Variants in ABLIM2 observed in about 807,000 individuals in gnomAD.
The protein encoded by ABLIM2 is actin binding LIM protein family member 2.
In ABLIM2, 53 loss-of-function variants were observed where a neutral mutation model predicts 97.7. The ratio of observed to expected loss-of-function variants is 0.54; its 90% CI spans 0.44 to 0.68. ABLIM2 has a LOEUF of 0.68. Ranked by LOEUF, ABLIM2 falls within the 30% of genes least tolerant of loss-of-function variation. ABLIM2 has a pLI of 0.00. For missense variants in ABLIM2, 835 were observed against 867.2 expected (o/e 0.96, Z 0.47); for synonymous variants, 361 against 345.8 (o/e 1.04, Z -0.49).
chr4:8,119,602 A>T (rs12501385), intron 1 of ABLIM2, among the ~76,000 whole-genome samples: 49,476 of 152,092 alleles, frequency 0.33, 8,602 homozygotes, highest in Non-Finnish European at 0.39. Context: ...CTGGGATTAT[A>T]GGCGTGAGCC....
intron 3 of ABLIM2, among the ~76,000 whole-genome samples, chr4:8,093,420 T>C (rs185556344): frequency 6.6e-6 from 1 of 152,338 alleles, no homozygotes; most frequent in African/African-American, 2.4e-5. Flanking sequence ...TAGCTTTGCG[T>C]GTCTAAAAAA....
In ABLIM2 at chr4:8,091,545, A is replaced by T. The variant is rs1184622563; in HGVS notation, c.339-3261T>A. On this transcript the variant is annotated intron_variant, in intron 3 of 20. Coordinates refer to ENST00000447017, the MANE Select transcript of ABLIM2 (RefSeq NM_001130083.2). Reference sequence around the variant, plus strand: ...TATATTATATATAAAATTATATATAATATTTATAATTATATATATTATATA... The same window carrying T: ...TATATTATATATAAAATTATATATATTATTTATAATTATATATATTATATA... Among the ~76,000 whole-genome samples, 7 of 47,064 alleles carry T rather than the reference A, an allele frequency of 1.5e-4. 2 individuals carry two copies. The highest frequency in any genetic ancestry group is 1.8e-4 in the Non-Finnish European group (6 of 32,556). 30.9% of individuals were successfully genotyped at this position (47,064 alleles called of 152,430 possible).
chr4:8,073,138 G>A (rs914360175), intron 6 of ABLIM2, among the ~76,000 whole-genome samples: 1 of 151,566 alleles, frequency 6.6e-6, no homozygotes, highest in African/African-American at 2.4e-5. Context: ...AGGTGGGGAA[G>A]ATGGGAGGAG....
At chr4:8,101,946 C>T (rs1015714913) in intron 2 of ABLIM2, among the ~76,000 whole-genome samples, 2 of 152,108 alleles carry the variant, frequency 1.3e-5, no homozygotes, top group African/African-American at 4.8e-5. Flanking sequence ...AATGAGACAC[C>T]TTCACACCCC....
chr4:8,045,788 C>T (rs141487328), intron 8 of ABLIM2, among the ~76,000 whole-genome samples: 1 of 152,178 alleles, frequency 6.6e-6, no homozygotes, highest in African/African-American at 2.4e-5. Flanking sequence ...CAGAGTGATG[C>T]ACAGGCCAAG....
At chr4:8,029,552 A>C (rs2151193898) in intron 11 of ABLIM2, 104 bp downstream of exon 11, 1 of 1,289,786 alleles carries the variant, frequency 7.8e-7, no homozygotes, top group Non-Finnish European at 1.0e-6. Flanking sequence ...CCAGTTGTAT[A>C]AGAAAAATGC....
chr4:8,008,902 T>A lies in ABLIM2; in HGVS notation c.1476+148A>T, dbSNP rs1560575781. On this transcript the variant is annotated intron_variant, in intron 15 of 20. Coordinates refer to ENST00000447017, the MANE Select transcript of ABLIM2 (RefSeq NM_001130083.2). The stretch of plus-strand genomic sequence containing the variant: ...ATCCTAAATGTAGGAAGGAAACTGA[T>A]GGAAGGGCCTCCTACCTTTGGCCTC... 5 of 826,232 alleles carry A rather than the reference T, an allele frequency of 6.1e-6. No homozygotes were observed. In the African/African-American group the frequency reaches 8.5e-5, roughly 14 times the overall value. 51.2% of individuals were successfully genotyped at this position (826,232 alleles called of 1,614,324 possible).
chr4:8,133,405 C>T (rs111589850), intron 1 of ABLIM2, among the ~76,000 whole-genome samples: 5 of 152,162 alleles, frequency 3.3e-5, no homozygotes, highest in South Asian at 2.1e-4. Flanking sequence ...CCGTCCCCTG[C>T]GGGGTATCTC....
chr4:8,108,438 C>T (rs532252568), intron 1 of ABLIM2, among the ~76,000 whole-genome samples: 1 of 152,232 alleles, frequency 6.6e-6, no homozygotes, highest in Non-Finnish European at 1.5e-5. Flanking sequence ...CAGCTGCCGG[C>T]CCAGGAGTCA....
rs778466903 is a variant in ABLIM2, at chr4:7,966,955, G to A, written c.*35C>T. The A allele has an allele frequency of 1.3e-5, 20 of 1,551,256 alleles. No individual in the cohort carries two copies. The highest frequency in any genetic ancestry group is 1.8e-4 in the Middle Eastern group (1 of 5,452). On this transcript the variant is annotated 3_prime_UTR_variant, in exon 21 of 21. Coordinates refer to ENST00000447017, the MANE Select transcript of ABLIM2 (RefSeq NM_001130083.2). ...CTCGCCAGGGGCCCCTGGCCTCGGCGCCCGGCACACACCAGTGGGGCAGGC... is the reference window on the plus strand; with the variant it reads ...CTCGCCAGGGGCCCCTGGCCTCGGCACCCGGCACACACCAGTGGGGCAGGC...
At chr4:8,025,928 C>G (rs907497461) in intron 12 of ABLIM2, among the ~76,000 whole-genome samples, 3 of 152,216 alleles carry the variant, frequency 2.0e-5, no homozygotes, top group African/African-American at 7.2e-5. Flanking sequence ...CCCTGCCACA[C>G]GACTGCCGTG....
intron 1 of ABLIM2, among the ~76,000 whole-genome samples, chr4:8,145,788 A>G: frequency 7.1e-6 from 1 of 141,398 alleles, no homozygotes; most frequent in East Asian, 2.1e-4. Context: ...ACACACACAC[A>G]CGAGATCCCT....
At position 8,132,664 on chromosome 4, in the gene ABLIM2, C is replaced by T. The variant is rs1414758826; in HGVS notation, c.10+26016G>A. On this transcript the variant is annotated intron_variant, in intron 1 of 20. Coordinates refer to ENST00000447017, the MANE Select transcript of ABLIM2 (RefSeq NM_001130083.2). This position sits in a 1 kb window ranked among gnomAD's most constrained non-coding sequence, Gnocchi z 8.0. Reference sequence around the variant, plus strand: ...TGCACATCATGAAGCACGGCCCCTACCCCGCTGTCTTCCCTCGGGTGACTC... The same window carrying T: ...TGCACATCATGAAGCACGGCCCCTATCCCGCTGTCTTCCCTCGGGTGACTC... 6.6e-6 allele frequency among the ~76,000 whole-genome samples: 1 copy of T among 152,224 alleles called. No homozygotes were observed. The highest frequency in any genetic ancestry group is 1.9e-4 in the East Asian group (1 of 5,194).
intron 1 of ABLIM2, among the ~76,000 whole-genome samples, chr4:8,145,224 C>T (rs1210271180): frequency 6.6e-5 from 10 of 151,910 alleles, no homozygotes; most frequent in Admixed American, 2.6e-4. Context: ...CGCTCTGTCG[C>T]CCAGGCTGGA....
At chr4:8,041,607 A>G (rs887257214) in intron 9 of ABLIM2, among the ~76,000 whole-genome samples, 16 of 152,176 alleles carry the variant, frequency 1.1e-4, no homozygotes, top group Admixed American at 9.8e-4. Flanking sequence ...TGTTTAAAAA[A>G]AAAAAAAAAA....
chr4:8,088,461 G>A (rs887770830), intron 3 of ABLIM2, among the ~76,000 whole-genome samples, 177 bp from the exon 4 acceptor site: 2 of 152,158 alleles, frequency 1.3e-5, no homozygotes, highest in Admixed American at 6.5e-5. Flanking sequence ...CCCCGCAATA[G>A]GACCTCAGGT....
At position 8,087,476 on chromosome 4, in the gene ABLIM2, G is replaced by C. The variant is rs1285668786; in HGVS notation, c.454+693C>G. Among the ~76,000 whole-genome samples the C allele has an allele frequency of 6.6e-5, 10 of 152,306 alleles. No individual in the cohort carries two copies. Among genetic ancestry groups the C allele is most frequent in the Non-Finnish European group, 2.9e-5 (2 of 68,022 alleles). On this transcript the variant is annotated intron_variant, in intron 4 of 20. Transcript: ENST00000447017. The surrounding 1 kb of genome is among the most constrained non-coding windows in gnomAD (Gnocchi z 4.6). ...CACCTGGCCTAACTCCTGGGAGGTG[G>C]AGCAGTGAACCCAAGGGCCCCTGAC...
Position 8,083,336 on chromosome 4 carries a change from C to T in ABLIM2, c.455-2534G>A, listed in dbSNP as rs1393696515. Among the ~76,000 whole-genome samples the T allele has an allele frequency of 2.6e-5, 4 of 152,208 alleles. No homozygotes were observed. The highest frequency in any genetic ancestry group is 6.5e-5 in the Admixed American group (1 of 15,284). The stretch of plus-strand genomic sequence containing the variant: ...TGTGATCCGTGAATAAATGCACACA[C>T]GTTGACCGGTGAGGTGGGCCCACCT... On this transcript the variant is annotated intron_variant, in intron 4 of 20. Coordinates refer to ENST00000447017, the MANE Select transcript of ABLIM2 (RefSeq NM_001130083.2). This position sits in a 1 kb window ranked among gnomAD's most constrained non-coding sequence, Gnocchi z 4.6.
Position 8,149,877 on chromosome 4 carries a change from T to C in ABLIM2, c.10+8803A>G, listed in dbSNP as rs1712030624. 6.6e-6 allele frequency among the ~76,000 whole-genome samples: 1 copy of C among 152,064 alleles called. No individual in the cohort carries two copies. The highest frequency in any genetic ancestry group is 1.5e-5 in the Non-Finnish European group (1 of 68,004). On this transcript the variant is annotated intron_variant, in intron 1 of 20. Coordinates refer to ENST00000447017, the MANE Select transcript of ABLIM2 (RefSeq NM_001130083.2). The surrounding 1 kb of genome is among the most constrained non-coding windows in gnomAD (Gnocchi z 6.4). ...AGACCCCACACAGCCGGTCCCTCTG[T>C]GGGACGATTCAGAGGCTCCCAGTGG...
Sources: gnomAD v4.1 joint callset for allele counts (sites outside exome capture counted in the v4.1 genomes callset) on GRCh38, gnomAD v4.1.1 for gene constraint, Gnocchi (gnomAD v3.1) non-coding constraint, MANE v1.5 for transcripts, NCBI Gene and HGNC (gene_info 2026-07-23, HGNC 2026-07-21) for gene names.